Variants in PIP5K1B observed in about 807,000 individuals in gnomAD.
The protein encoded by PIP5K1B is phosphatidylinositol 4-phosphate 5-kinase type-1 beta.
PIP5K1B carries 42 observed loss-of-function variants against 67.0 expected under a neutral mutation model. That is an observed-to-expected ratio of 0.63 (90% CI 0.49 to 0.81). PIP5K1B has a LOEUF of 0.81. Ranked by LOEUF, PIP5K1B falls within the 30% of genes least tolerant of loss-of-function variation. The pLI is 0.00. For missense variants in PIP5K1B, 459 were observed against 646.3 expected (o/e 0.71, Z 3.14); for synonymous variants, 214 against 231.4 (o/e 0.92, Z 0.68).
intron 1 of PIP5K1B, among the ~76,000 whole-genome samples, chr9:68,738,193 CT>C (rs1828833964): frequency 6.6e-6 from 1 of 152,100 alleles, no homozygotes; most frequent in Non-Finnish European, 1.5e-5. Context: ...TAGAATAAAT[CT>C]TCATAATATG....
Position 68,917,742 on chromosome 9 carries a change from C to A in PIP5K1B, c.966C>A (p.Ile322=). ...CAGGGAAATCTGGAGATGGGATAAT[C>A]ACAGAGAACCCAGACACGTAAGTGC... ...QGPGKSGDGI[I]TENPDTMGGI... Residue 322 remains isoleucine, a synonymous_variant, in exon 9 of 16, where the codon ATC becomes ATA. Coordinates refer to ENST00000265382, the MANE Select transcript of PIP5K1B (RefSeq NM_003558.4). The A allele has an allele frequency of 6.2e-7, 1 of 1,613,706 alleles. No homozygotes were observed. Among genetic ancestry groups the A allele is most frequent in the South Asian group, 1.1e-5 (1 of 91,072 alleles).
intron 4 of PIP5K1B, among the ~76,000 whole-genome samples, chr9:68,844,918 A>T (rs1022521945): frequency 7.2e-5 from 11 of 152,152 alleles, no homozygotes; most frequent in African/African-American, 2.2e-4. Context: ...TTTCTGTTGC[A>T]TTTTTAGAGC....
At chr9:68,930,914 A>G (rs186531881) in intron 12 of PIP5K1B, among the ~76,000 whole-genome samples, 30 of 152,270 alleles carry the variant, frequency 2.0e-4, no homozygotes, top group Non-Finnish European at 3.8e-4. Flanking sequence ...ATTTTTATCT[A>G]ACACCACCAT....
chr9:68,971,744 T>G (rs1331575544), intron 14 of PIP5K1B, among the ~76,000 whole-genome samples: 2 of 152,262 alleles, frequency 1.3e-5, no homozygotes, highest in Non-Finnish European at 2.9e-5. Flanking sequence ...TCTAATGACG[T>G]GATGATGAGC....
intron 2 of PIP5K1B, among the ~76,000 whole-genome samples, chr9:68,746,386 A>G (rs1829311072): frequency 6.6e-6 from 1 of 152,084 alleles, no homozygotes; most frequent in Non-Finnish European, 1.5e-5. Flanking sequence ...TATGGCATGC[A>G]CAGAGTTTTG....
intron 5 of PIP5K1B, among the ~76,000 whole-genome samples, chr9:68,865,325 A>T (rs528884792): frequency 6.6e-6 from 1 of 151,998 alleles, no homozygotes; most frequent in Non-Finnish European, 1.5e-5. Context: ...TATATTAACT[A>T]CATGTTTTTC....
intron 2 of PIP5K1B, among the ~76,000 whole-genome samples, chr9:68,774,552 G>A (rs1030139936): frequency 2.6e-5 from 4 of 151,998 alleles, no homozygotes; most frequent in Non-Finnish European, 5.9e-5. Flanking sequence ...ATATAGAAAC[G>A]TGTATACATT....
At chr9:68,787,478 AATTT>A (rs1442539309) in intron 2 of PIP5K1B, among the ~76,000 whole-genome samples, 1 of 152,066 alleles carries the variant, frequency 6.6e-6, no homozygotes. Context: ...CTTAATACAG[AATTT>A]ATTTACTTTT....
In PIP5K1B at chr9:68,790,141, G is replaced by C. The variant is rs75225123; in HGVS notation, c.-85-28320G>C. Among the ~76,000 whole-genome samples the C allele has an allele frequency of 8.8e-3, 1,335 of 152,194 alleles. 95 individuals are homozygous for C. The East Asian group carries it at 0.17, about 19-fold the overall frequency. Reference sequence around the variant, plus strand: ...TTTTAAAGGAAAAATGTAACACCAAGATTCAAAGAAGGATCATGCTTACCT... The same window carrying C: ...TTTTAAAGGAAAAATGTAACACCAACATTCAAAGAAGGATCATGCTTACCT... On this transcript the variant is annotated intron_variant, in intron 2 of 15. Coordinates refer to ENST00000265382, the MANE Select transcript of PIP5K1B (RefSeq NM_003558.4).
intron 8 of PIP5K1B, among the ~76,000 whole-genome samples, chr9:68,902,924 C>A (rs577661662): frequency 6.6e-6 from 1 of 152,120 alleles, no homozygotes; most frequent in South Asian, 2.1e-4. Flanking sequence ...GAAAAGAAAG[C>A]GGAAAAACTC....
In PIP5K1B at chr9:68,877,621, A is replaced by G. The variant is rs188902282; in HGVS notation, c.318+827A>G. Among the ~76,000 whole-genome samples the G allele has an allele frequency of 5.3e-5, 8 of 152,378 alleles. No homozygotes were observed. The East Asian group carries it at 1.3e-3, about 26-fold the overall frequency. ...GGATAATGCTTTTCAGAGGAAGTATAGCAACACGTGTAACAAAGAGTGCTT... is the reference window on the plus strand; with the variant it reads ...GGATAATGCTTTTCAGAGGAAGTATGGCAACACGTGTAACAAAGAGTGCTT... On this transcript the variant is annotated intron_variant, in intron 6 of 15. Coordinates refer to ENST00000265382, the MANE Select transcript of PIP5K1B (RefSeq NM_003558.4).
intron 13 of PIP5K1B, among the ~76,000 whole-genome samples, chr9:68,938,543 A>C (rs1827389967): frequency 2.0e-5 from 3 of 152,088 alleles, no homozygotes; most frequent in African/African-American, 7.2e-5. Flanking sequence ...TCTTGACTCT[A>C]TCCAATTTGC....
At chr9:68,802,406 G>A (rs1001301630) in intron 2 of PIP5K1B, among the ~76,000 whole-genome samples, 5 of 152,136 alleles carry the variant, frequency 3.3e-5, no homozygotes, top group African/African-American at 1.2e-4. Flanking sequence ...GTCTATTCAT[G>A]TGCCAGGCAC....
intron 2 of PIP5K1B, among the ~76,000 whole-genome samples, chr9:68,785,556 T>G (rs1435725586): frequency 1.3e-5 from 2 of 152,200 alleles, no homozygotes; most frequent in African/African-American, 4.8e-5. Context: ...ATACTTGCTA[T>G]GTGTCAGGGA....
At chr9:68,761,272 C>T (rs1830170465) in intron 2 of PIP5K1B, among the ~76,000 whole-genome samples, 2 of 152,052 alleles carry the variant, frequency 1.3e-5, no homozygotes, top group South Asian at 4.1e-4. Flanking sequence ...TATTTCAGAC[C>T]ATTGCTATAA....
intron 2 of PIP5K1B, among the ~76,000 whole-genome samples, chr9:68,746,048 C>T (rs1302981626): frequency 6.6e-6 from 1 of 150,880 alleles, no homozygotes; most frequent in African/African-American, 2.4e-5. Context: ...GTTCTTTCCC[C>T]ACATGTCTCT....
intron 2 of PIP5K1B, among the ~76,000 whole-genome samples, chr9:68,778,106 T>TTC (rs5898041): frequency 0.54 from 81,750 of 151,898 alleles, 22,080 homozygotes; most frequent in African/African-American, 0.57. Context: ...TCATGCGAAA[T>TTC]TCTCTCTTTA....
chr9:68,930,641 T>G (rs1826951760), intron 12 of PIP5K1B, among the ~76,000 whole-genome samples: 1 of 151,942 alleles, frequency 6.6e-6, no homozygotes, highest in South Asian at 2.1e-4. Context: ...ACAGGTCTCT[T>G]TGCCTCCCAT....
At chr9:68,807,633 A>G (rs1344605602) in intron 2 of PIP5K1B, among the ~76,000 whole-genome samples, 1 of 152,240 alleles carries the variant, frequency 6.6e-6, no homozygotes, top group East Asian at 1.9e-4. Flanking sequence ...AGGCTGCTAC[A>G]GGAACAAAGG....
Sources: allele counts gnomAD v4.1 joint callset (sites outside exome capture counted in the v4.1 genomes callset), GRCh38; gene constraint gnomAD v4.1.1; transcripts MANE v1.5; gene names NCBI Gene and HGNC (gene_info 2026-07-23, HGNC 2026-07-21).